Variants in ADARB2 observed in about 807,000 individuals in gnomAD.
ADARB2 encodes adenosine deaminase RNA specific B2 (inactive).
Under a neutral mutation model 62.2 loss-of-function variants are expected in ADARB2, and 25 were observed. That is an observed-to-expected ratio of 0.40 (90% CI 0.29 to 0.56). The LOEUF (loss-of-function observed/expected upper bound fraction) is 0.56. Among genes scored for constraint, ADARB2 ranks in the 20% least tolerant of loss-of-function variants. The pLI is 0.43. For missense variants in ADARB2, 1,071 were observed against 1,077.4 expected, an observed-to-expected ratio of 0.99 and a Z score of 0.08; for synonymous variants, 572 against 500.8, an observed-to-expected ratio of 1.14 and a Z score of -1.90.
chr10:1,468,417 G>A lies in ADARB2; in HGVS notation c.101-89257C>T, dbSNP rs566062609. ...TGCTCCCTGGTAGTGTGGCGTCAAC[G>A]GGGAGATGCTACCTAGTGTGGCCCA... On this transcript the variant is annotated intron_variant, in intron 1 of 9. Coordinates refer to ENST00000381312, the MANE Select transcript of ADARB2 (RefSeq NM_018702.4). 2.4e-4 allele frequency among the ~76,000 whole-genome samples: 36 copies of A among 152,278 alleles called. No homozygotes were observed. The South Asian group carries it at 5.4e-3, about 23-fold the overall frequency.
At chr10:1,501,889 C>T (rs953227322) in intron 1 of ADARB2, among the ~76,000 whole-genome samples, 75 of 152,332 alleles carry the variant, frequency 4.9e-4, no homozygotes, top group Non-Finnish European at 8.8e-5. Context: ...CATTAATCAA[C>T]TGGGCAGAGG....
intron 1 of ADARB2, chr10:1,535,122 G>C (rs922311039): frequency 3.6e-5 from 6 of 165,296 alleles, no homozygotes; most frequent in Non-Finnish European, 7.3e-5. Context: ...TTGGTGACAC[G>C]CAACACCCCT....
chr10:1,646,903 G>A (rs967896587), intron 1 of ADARB2, among the ~76,000 whole-genome samples: 10 of 152,226 alleles, frequency 6.6e-5, no homozygotes, highest in Admixed American at 6.5e-4. Flanking sequence ...CTGCGTGCCT[G>A]CGACCAGCAT....
rs149772529 is a variant in ADARB2 at position 1,415,531 on chromosome 10, A to G, written c.101-36371T>C. On this transcript the variant is annotated intron_variant, in intron 1 of 9. Transcript: ENST00000381312. Reference sequence around the variant, plus strand: ...CGACACCTCTTCCGCATGGTAAGAAATATTTGGGAATAGGGTGACTCTCTC... The same window carrying G: ...CGACACCTCTTCCGCATGGTAAGAAGTATTTGGGAATAGGGTGACTCTCTC... 8.7e-3 allele frequency among the ~76,000 whole-genome samples: 1,326 copies of G among 151,818 alleles called. 9 individuals carry two copies. Among genetic ancestry groups the G allele is most frequent in the African/African-American group, 0.029 (1,217 of 41,400 alleles).
In ADARB2 at chr10:1,731,645, T is replaced by C. The variant is rs1054871152; in HGVS notation, c.100+5406A>G. 5.3e-5 allele frequency among the ~76,000 whole-genome samples: 8 copies of C among 152,168 alleles called. 1 individual carries two copies. Among genetic ancestry groups the C allele is most frequent in the African/African-American group, 1.9e-4 (8 of 41,438 alleles). ...ATTAAGCAGCCTCTGTTTCTCTGAG[T>C]GGAGAAAAAACTTTTAATTGTACAG... On this transcript the variant is annotated intron_variant, in intron 1 of 9. Transcript: ENST00000381312.
intron 1 of ADARB2, among the ~76,000 whole-genome samples, chr10:1,599,243 A>G (rs1415890191): frequency 6.6e-6 from 1 of 152,200 alleles, no homozygotes; most frequent in African/African-American, 2.4e-5. Context: ...ACAAAGATGG[A>G]AAGGCCGTGG....
chr10:1,441,172 T>C (rs915674892), intron 1 of ADARB2, among the ~76,000 whole-genome samples: 2 of 152,194 alleles, frequency 1.3e-5, no homozygotes, highest in African/African-American at 4.8e-5. Flanking sequence ...GCCTCCTGAA[T>C]TGCCTTTCAT....
chr10:1,511,674 C>T (rs1038836329), intron 1 of ADARB2, among the ~76,000 whole-genome samples: 9 of 151,766 alleles, frequency 5.9e-5, no homozygotes, highest in African/African-American at 2.2e-4. Flanking sequence ...ATGGTGTCTA[C>T]ACTGGACACC....
chr10:1,226,889 C>G (rs1481705706), intron 6 of ADARB2, among the ~76,000 whole-genome samples: 1 of 151,898 alleles, frequency 6.6e-6, no homozygotes, highest in Non-Finnish European at 1.5e-5. Flanking sequence ...TCTCAGCTCT[C>G]AAGCTGCATG....
chr10:1,593,857 G>A (rs1418283708), intron 1 of ADARB2, among the ~76,000 whole-genome samples: 1 of 152,180 alleles, frequency 6.6e-6, no homozygotes, highest in African/African-American at 2.4e-5. Context: ...ATGAGCCCTT[G>A]AGAGTAGAAT....
chr10:1,273,722 A>C (rs1230261337), intron 3 of ADARB2, among the ~76,000 whole-genome samples: 1 of 152,180 alleles, frequency 6.6e-6, no homozygotes, highest in African/African-American at 2.4e-5. Flanking sequence ...AGGCCTCGAG[A>C]AGTCAGCTTC....
intron 1 of ADARB2, among the ~76,000 whole-genome samples, chr10:1,585,221 G>C (rs557873489): frequency 6.6e-6 from 1 of 152,170 alleles, no homozygotes; most frequent in East Asian, 1.9e-4. Flanking sequence ...TGGGGACAGG[G>C]GCATGGGGTA....
chr10:1,267,711 A>G (rs974403255), intron 4 of ADARB2, among the ~76,000 whole-genome samples: 2 of 152,268 alleles, frequency 1.3e-5, no homozygotes, highest in African/African-American at 4.8e-5. Context: ...AATCAAACTT[A>G]AACACAACAC....
At chr10:1,205,987 G>A (rs1837055692) in intron 7 of ADARB2, among the ~76,000 whole-genome samples, 1 of 151,966 alleles carries the variant, frequency 6.6e-6, no homozygotes, top group African/African-American at 2.4e-5. Context: ...GGGTGTCACG[G>A]GGCAGCCCGC....
intron 1 of ADARB2, among the ~76,000 whole-genome samples, chr10:1,473,524 C>T (rs778177004): frequency 6.0e-4 from 92 of 152,194 alleles, no homozygotes; most frequent in Non-Finnish European, 1.3e-3. Context: ...GGACTACAGA[C>T]GTGCCACCAC....
intron 1 of ADARB2, among the ~76,000 whole-genome samples, chr10:1,397,946 G>A (rs1395388060): frequency 7.5e-6 from 1 of 133,562 alleles, no homozygotes; most frequent in African/African-American, 2.9e-5. Flanking sequence ...CCGAGTGCAG[G>A]CTTCCTGGGT....
intron 6 of ADARB2, among the ~76,000 whole-genome samples, chr10:1,233,088 C>G (rs1830824964): frequency 1.3e-5 from 2 of 152,180 alleles, no homozygotes; most frequent in East Asian, 3.9e-4. Context: ...AAGGGAGAGC[C>G]CCACCCTGCC....
chr10:1,258,404 C>T (rs1359095450), intron 4 of ADARB2, among the ~76,000 whole-genome samples: 1 of 152,114 alleles, frequency 6.6e-6, no homozygotes, highest in Non-Finnish European at 1.5e-5. Flanking sequence ...GTGCTGTATT[C>T]AGGAAACCCA....
chr10:1,229,347 G>C (rs1376156299), intron 6 of ADARB2, among the ~76,000 whole-genome samples: 1 of 152,188 alleles, frequency 6.6e-6, no homozygotes, highest in Non-Finnish European at 1.5e-5. Flanking sequence ...GGGGCTTGGG[G>C]AATTCCTGGT....
Sources: gnomAD v4.1 joint callset for allele counts (sites outside exome capture counted in the v4.1 genomes callset) on GRCh38, gnomAD v4.1.1 for gene constraint, MANE v1.5 for transcripts, NCBI Gene and HGNC (gene_info 2026-07-23, HGNC 2026-07-21) for gene names.